Variants in CLK3 observed in about 807,000 individuals in gnomAD.
CLK3 encodes the protein CDC like kinase 3, also known as dual specificity protein kinase CLK3.
CLK3 carries 24 observed loss-of-function variants against 65.2 expected under a neutral mutation model. That is an observed-to-expected ratio of 0.37 (90% CI 0.27 to 0.52). The LOEUF is 0.52. Among genes scored for constraint, CLK3 ranks in the 20% least tolerant of loss-of-function variants. CLK3 has a pLI of 0.92. For synonymous variants in CLK3, 252 were observed against 240.8 expected, an observed-to-expected ratio of 1.05 and a Z score of -0.43; for missense variants, 506 against 660.0, an observed-to-expected ratio of 0.77 and a Z score of 2.56.
chr15:74,620,245 T>C lies in CLK3; in HGVS notation c.369+20T>C. ...TCCTCGGTGAGTGGTAGCCAGAGTG[T>C]GCTGGCTGGGGCTTAAAGGCCTCAT... On this transcript the variant is annotated intron_variant, in intron 3 of 12. Transcript: ENST00000395066. 1 of 1,613,258 alleles carries C rather than the reference T, an allele frequency of 6.2e-7. No homozygotes were observed. Among genetic ancestry groups the C allele is most frequent in the Non-Finnish European group, 8.5e-7 (1 of 1,179,580 alleles).
upstream of CLK3, among the ~76,000 whole-genome samples, chr15:74,610,963 C>T (rs1170706753): frequency 6.6e-6 from 1 of 152,220 alleles, no homozygotes; most frequent in Non-Finnish European, 1.5e-5. Flanking sequence ...GCTTGCACAG[C>T]CATCTCCCCC....
chr15:74,619,987 G>T (rs11543198), intron 2 of CLK3, 22 bp from the exon 3 acceptor site: 1 of 1,613,636 alleles, frequency 6.2e-7, no homozygotes, highest in East Asian at 2.2e-5. Context: ...GCTGACCAGC[G>T]TCCCCATCCC....
At chr15:74,616,756 G>A (rs867817895) in intron 1 of CLK3, among the ~76,000 whole-genome samples, 1 of 152,238 alleles carries the variant, frequency 6.6e-6, no homozygotes. Context: ...GGGTGCTGGG[G>A]TGGCTGGAAT....
rs762068674 is a variant in CLK3, at chr15:74,621,508, C to T, written c.370-612C>T. The T allele has an allele frequency of 1.2e-5, 2 of 165,864 alleles. No individual in the cohort carries two copies. The highest frequency in any genetic ancestry group is 2.7e-5 in the Non-Finnish European group (2 of 75,152). 10.3% of individuals were successfully genotyped at this position (165,864 alleles called of 1,614,324 possible). ...GGTGAAATCTGGCCAAGGATGCCGTCTGGAGGCAGGTAGCAGCTTGGCTGT... is the reference window on the plus strand; with the variant it reads ...GGTGAAATCTGGCCAAGGATGCCGTTTGGAGGCAGGTAGCAGCTTGGCTGT... On this transcript the variant is annotated intron_variant, in intron 3 of 12. Coordinates refer to ENST00000395066, the MANE Select transcript of CLK3 (RefSeq NM_001130028.2). This position sits in a 1 kb window ranked among gnomAD's most constrained non-coding sequence, Gnocchi z 4.8.
At chr15:74,616,168 C>T (rs1008700409) in intron 1 of CLK3, among the ~76,000 whole-genome samples, 1 of 152,248 alleles carries the variant, frequency 6.6e-6, no homozygotes, top group Non-Finnish European at 1.5e-5. Context: ...GGCTCTGTGC[C>T]TGCCCGCGGA....
At chr15:74,628,725 T>A in intron 11 of CLK3, 42 bp downstream of exon 11, 1 of 1,513,950 alleles carries the variant, frequency 6.6e-7, no homozygotes, top group Non-Finnish European at 9.1e-7. Context: ...TATAGAGGCC[T>A]TTCTCTTCTT....
Position 74,627,496 on chromosome 15 carries a change from C to G in CLK3, c.913-43C>G. On this transcript the variant is annotated intron_variant, in intron 8 of 12. Coordinates refer to ENST00000395066, the MANE Select transcript of CLK3 (RefSeq NM_001130028.2). This position sits in a 1 kb window ranked among gnomAD's most constrained non-coding sequence, Gnocchi z 4.3. ...CCCTGTTTCAGGGGTGGGTTACCCG[C>G]TGGTGCAGACTCCTGACCTGGCAGG... 6.2e-7 allele frequency: 1 copy of G among 1,614,210 alleles called. No homozygotes were observed. Among genetic ancestry groups the G allele is most frequent in the Non-Finnish European group, 8.5e-7 (1 of 1,180,008 alleles).
At chr15:74,623,262 C>T (rs1266581944) in intron 5 of CLK3, among the ~76,000 whole-genome samples, 1 of 152,214 alleles carries the variant, frequency 6.6e-6, no homozygotes, top group East Asian at 1.9e-4. Flanking sequence ...AGCCAGTTGC[C>T]ACCCTGCCAT....
At chr15:74,610,685 C>T (rs530348726) in intron 1 of CLK3, among the ~76,000 whole-genome samples, 8 of 152,350 alleles carry the variant, frequency 5.3e-5, no homozygotes, top group African/African-American at 1.7e-4. Context: ...CGAGATACAC[C>T]GCCTCTCCAG....
chr15:74,625,835 C>T lies in CLK3; in HGVS notation c.684C>T (p.Phe228=), dbSNP rs2062139928. ...LCVLMSDWFN[F]HGHMCIAFEL... ...TCTTGATGTCTGACTGGTTCAACTTCCACGGTCACATGTGCATCGCCTTTG... is the reference window on the plus strand; with the variant it reads ...TCTTGATGTCTGACTGGTTCAACTTTCACGGTCACATGTGCATCGCCTTTG... The change falls in exon 7 of 13, where the codon TTC becomes TTT. Residue 228 remains phenylalanine, a synonymous_variant. Transcript: ENST00000395066. The T allele has an allele frequency of 3.1e-6, 5 of 1,614,114 alleles. No individual in the cohort carries two copies. The highest frequency in any genetic ancestry group is 1.6e-4 in the Middle Eastern group (1 of 6,062).
chr15:74,614,288 G>C (rs1354910252), upstream of CLK3, among the ~76,000 whole-genome samples: 1 of 152,144 alleles, frequency 6.6e-6, no homozygotes, highest in African/African-American at 2.4e-5. Context: ...ACTGGGATTA[G>C]AGGGGTGAAC....
At position 74,622,261 on chromosome 15, in the gene CLK3, C is replaced by T. The variant is rs754927844; in HGVS notation, c.466+45C>T. The T allele has an allele frequency of 1.0e-5, 16 of 1,571,618 alleles. No homozygotes were observed. The highest frequency in any genetic ancestry group is 1.4e-5 in the Non-Finnish European group (16 of 1,146,382). On this transcript the variant is annotated intron_variant, in intron 4 of 12. Coordinates refer to ENST00000395066, the MANE Select transcript of CLK3 (RefSeq NM_001130028.2). This position sits in a 1 kb window ranked among gnomAD's most constrained non-coding sequence, Gnocchi z 4.6. ...AACTTTACCTCTCTACTTTCTACCC[C>T]CCTTGTTAGACGAGACCTCTCCTGC...
At chr15:74,615,189 C>A, upstream of CLK3, 1 of 383,822 alleles carries the variant, frequency 2.6e-6, no homozygotes, top group Non-Finnish European at 4.6e-6. Context: ...CGGCAGGAAG[C>A]CGCTCCACAG....
In CLK3 at chr15:74,624,767, C is replaced by T. The variant is rs1420361976; in HGVS notation, c.534-135C>T. 6 of 665,492 alleles carry T rather than the reference C, an allele frequency of 9.0e-6. No homozygotes were observed. 41.2% of individuals were successfully genotyped at this position (665,492 alleles called of 1,614,324 possible). ...CTGGTGTTGCATGGGGCAGGCTGGG[C>T]ATCCAGTATCTGCTCTCTTCAGTGC... On this transcript the variant is annotated intron_variant, in intron 5 of 12. Coordinates refer to ENST00000395066, the MANE Select transcript of CLK3 (RefSeq NM_001130028.2). This position sits in a 1 kb window ranked among gnomAD's most constrained non-coding sequence, Gnocchi z 4.2.
In CLK3 at chr15:74,619,236, C is replaced by T. The variant is rs1567142383; in HGVS notation, c.40C>T (p.Pro14Ser). 1 of 1,614,162 alleles carries T rather than the reference C, an allele frequency of 6.2e-7. No homozygotes were observed. Among genetic ancestry groups the T allele is most frequent in the East Asian group, 2.2e-5 (1 of 44,882 alleles). Residue 14 changes from proline to serine, a missense_variant, in exon 2 of 13, where the codon CCG (proline) becomes TCG (serine). Physicochemically the swap from Pro to Ser is moderately conservative, Grantham distance 74. Transcript: ENST00000395066. ...GCGATACCGCTCCCCTGAACCAGACCCGTACCTGAGCTACCGATGGAAGAG... is the reference window on the plus strand; with the variant it reads ...GCGATACCGCTCCCCTGAACCAGACTCGTACCTGAGCTACCGATGGAAGAG... ...CKRYRSPEPD[P>S]YLSYRWKRRR... is the part of the protein sequence containing the mutation.
At chr15:74,619,064 T>G in intron 1 of CLK3, 133 bp from the exon 2 acceptor site, 1 of 1,047,284 alleles carries the variant, frequency 9.5e-7, no homozygotes, top group Non-Finnish European at 1.4e-6. Flanking sequence ...CTTCACTTCA[T>G]AAACCTCTGG....
upstream of CLK3, among the ~76,000 whole-genome samples, chr15:74,614,304 C>A (rs2062027594): frequency 6.6e-6 from 1 of 152,116 alleles, no homozygotes; most frequent in South Asian, 2.1e-4. Flanking sequence ...TGAACCACCG[C>A]GCTTGGCCGA....
chr15:74,616,013 C>T (rs2062056177), intron 1 of CLK3, 115 bp downstream of exon 1: 2 of 847,482 alleles, frequency 2.4e-6, no homozygotes, highest in Non-Finnish European at 3.1e-6. Flanking sequence ...TCTTTCTCCT[C>T]TTCGGCCCAT....
chr15:74,614,158 C>T (rs1206926896), upstream of CLK3, among the ~76,000 whole-genome samples: 1 of 152,082 alleles, frequency 6.6e-6, no homozygotes, highest in Non-Finnish European at 1.5e-5. Flanking sequence ...GGACTACAGG[C>T]GCGTGCCACC....
Sources: gnomAD v4.1 joint callset for allele counts (sites outside exome capture counted in the v4.1 genomes callset) on GRCh38, gnomAD v4.1.1 for gene constraint, Gnocchi (gnomAD v3.1) non-coding constraint, MANE v1.5 for transcripts, NCBI Gene and HGNC (gene_info 2026-07-23, HGNC 2026-07-21) for gene names.